Variants in CTNNA2 observed in about 807,000 individuals in gnomAD.
CTNNA2 encodes the protein catenin alpha-2.
A neutral mutation model predicts 101.0 loss-of-function variants in CTNNA2; 42 were observed. The observed-to-expected ratio is 0.42, with a 90% CI of 0.32 to 0.54. The LOEUF (loss-of-function observed/expected upper bound fraction) is 0.54. Ranked by LOEUF, CTNNA2 falls within the 20% of genes least tolerant of loss-of-function variation. The pLI, the probability that CTNNA2 is intolerant of heterozygous loss-of-function variation, is 0.14. For synonymous variants in CTNNA2, 450 were observed against 456.4 expected (o/e 0.99, Z 0.18); for missense variants, 871 against 1,223.1 (o/e 0.71, Z 4.29).
intron 7 of CTNNA2, among the ~76,000 whole-genome samples, chr2:80,362,133 C>A (rs560803703): frequency 1.4e-3 from 217 of 152,158 alleles, no homozygotes; most frequent in Non-Finnish European, 2.1e-3. Context: ...GAGAAAGGAA[C>A]CTAAATGAAG....
intron 3 of CTNNA2, among the ~76,000 whole-genome samples, chr2:79,350,545 A>T (rs554520717): frequency 6.6e-6 from 1 of 152,124 alleles, no homozygotes; most frequent in Admixed American, 6.5e-5. Context: ...TCTGATGGAC[A>T]CTTAGGTTGA....
intron 3 of CTNNA2, among the ~76,000 whole-genome samples, chr2:79,829,809 T>G (rs1039164957): frequency 4.0e-5 from 6 of 151,752 alleles, no homozygotes; most frequent in Non-Finnish European, 8.8e-5. Flanking sequence ...AAGCTCCGCC[T>G]CCCGGGTTCA....
chr2:79,775,959 G>T (rs540563324), intron 3 of CTNNA2, among the ~76,000 whole-genome samples: 10 of 152,306 alleles, frequency 6.6e-5, no homozygotes, highest in Middle Eastern at 3.4e-3. Flanking sequence ...GTAAGGGTAT[G>T]AGTGAGAGGG....
At chr2:79,227,138 G>T (rs1480990008) in intron 2 of CTNNA2, among the ~76,000 whole-genome samples, 2 of 152,044 alleles carry the variant, frequency 1.3e-5, no homozygotes, top group Admixed American at 1.3e-4. Flanking sequence ...TTATTAATCA[G>T]CTGGATTTTC....
intron 7 of CTNNA2, among the ~76,000 whole-genome samples, chr2:80,130,101 C>T (rs915520812): frequency 6.6e-6 from 1 of 152,056 alleles, no homozygotes; most frequent in East Asian, 1.9e-4. Context: ...TGCCAAATCA[C>T]GGTGGTGCCA....
At chr2:79,884,867 C>A (rs1230958932) in intron 6 of CTNNA2, among the ~76,000 whole-genome samples, 2 of 151,714 alleles carry the variant, frequency 1.3e-5, no homozygotes, top group African/African-American at 4.8e-5. Context: ...GCATCTCAGA[C>A]TGGTGCACGG....
chr2:80,478,304 G>A (rs1278767266), intron 9 of CTNNA2, among the ~76,000 whole-genome samples: 1 of 151,934 alleles, frequency 6.6e-6, no homozygotes, highest in Non-Finnish European at 1.5e-5. Flanking sequence ...GTCCTTTGGT[G>A]GCGGCATAAT....
intron 7 of CTNNA2, among the ~76,000 whole-genome samples, chr2:80,187,327 G>A (rs532476796): frequency 6.6e-6 from 1 of 152,316 alleles, no homozygotes; most frequent in Non-Finnish European, 1.5e-5. Flanking sequence ...AACGTAGGAG[G>A]AGGGAGGTGA....
intron 1 of CTNNA2, among the ~76,000 whole-genome samples, chr2:79,609,528 AC>A (rs1311179756): frequency 6.6e-6 from 1 of 152,124 alleles, no homozygotes; most frequent in Non-Finnish European, 1.5e-5. Context: ...TGGAGGACTA[AC>A]AGTATGTGAC....
intron 7 of CTNNA2, among the ~76,000 whole-genome samples, chr2:79,988,982 T>C (rs1691973209): frequency 6.6e-6 from 1 of 152,228 alleles, no homozygotes; most frequent in Admixed American, 6.5e-5. Context: ...TACTTTAGCC[T>C]CTAACTGTGG....
intron 2 of CTNNA2, among the ~76,000 whole-genome samples, chr2:79,659,925 C>G (rs1573599075): frequency 6.6e-6 from 1 of 152,070 alleles, no homozygotes; most frequent in Non-Finnish European, 1.5e-5. Context: ...CCCAGGAGTT[C>G]CAGGTTATAG....
chr2:80,172,788 A>G (rs769873406), intron 7 of CTNNA2, among the ~76,000 whole-genome samples: 12 of 152,096 alleles, frequency 7.9e-5, no homozygotes, highest in African/African-American at 2.7e-4. Context: ...TGGCTTATAG[A>G]TGCATCACCC....
chr2:80,191,889 A>T (rs1314823619), intron 7 of CTNNA2, among the ~76,000 whole-genome samples: 1 of 152,226 alleles, frequency 6.6e-6, no homozygotes. Flanking sequence ...AAACATGGAC[A>T]TCTTTTACTT....
intron 7 of CTNNA2, among the ~76,000 whole-genome samples, chr2:80,186,639 T>C (rs527975506): frequency 6.6e-6 from 1 of 152,334 alleles, no homozygotes; most frequent in South Asian, 2.1e-4. Context: ...GTAAATATTA[T>C]TTTGCACATT....
rs116783352 is a variant in CTNNA2 at position 80,356,251 on chromosome 2, T to G, written c.1057-36960T>G. Among the ~76,000 whole-genome samples the G allele has an allele frequency of 6.7e-3, 1,019 of 152,234 alleles. 14 individuals are homozygous for G. The highest frequency in any genetic ancestry group is 0.024 in the African/African-American group (982 of 41,532). On this transcript the variant is annotated intron_variant, in intron 7 of 18. Coordinates refer to ENST00000402739, the MANE Select transcript of CTNNA2 (RefSeq NM_001282597.3). ...CCAGGTAAGTGGATTTAACCTCACA[T>G]TGGCACAAAGGTGACTAATGGACAG...
chr2:80,550,141 C>G (rs1297711979), intron 11 of CTNNA2, among the ~76,000 whole-genome samples: 2 of 152,160 alleles, frequency 1.3e-5, no homozygotes, highest in African/African-American at 4.8e-5. Context: ...GTGAATCATA[C>G]AAATCTTTTT....
At chr2:80,127,395 G>C (rs1377114831) in intron 7 of CTNNA2, among the ~76,000 whole-genome samples, 1 of 152,082 alleles carries the variant, frequency 6.6e-6, no homozygotes. Flanking sequence ...GAATAGATAG[G>C]GAAACTGACA....
At chr2:80,517,949 A>C (rs1332086102) in intron 9 of CTNNA2, among the ~76,000 whole-genome samples, 1 of 152,204 alleles carries the variant, frequency 6.6e-6, no homozygotes, top group Non-Finnish European at 1.5e-5. Context: ...CAGAATTCAC[A>C]TCCCTAAAGT....
At chr2:80,276,127 G>A (rs143952239) in intron 7 of CTNNA2, among the ~76,000 whole-genome samples, 22 of 152,156 alleles carry the variant, frequency 1.4e-4, no homozygotes, top group Admixed American at 2.6e-4. Context: ...AGAGATAGTC[G>A]GATATTCAAT....
Sources: gnomAD v4.1 joint callset for allele counts (sites outside exome capture counted in the v4.1 genomes callset) on GRCh38, gnomAD v4.1.1 for gene constraint, MANE v1.5 for transcripts, NCBI Gene and HGNC (gene_info 2026-07-23, HGNC 2026-07-21) for gene names.